The following CSMD1 variants were observed in gnomAD, a reference collection of about 807,000 sequenced individuals.
CSMD1 encodes CUB and Sushi multiple domains 1, also known as CUB and sushi domain-containing protein 1.
In CSMD1, 213 loss-of-function variants were observed where a neutral mutation model predicts 417.5. The ratio of observed to expected loss-of-function variants is 0.51; its 90% CI spans 0.46 to 0.57. CSMD1 has a LOEUF of 0.57. Among genes scored for constraint, CSMD1 ranks in the 20% least tolerant of loss-of-function variants. CSMD1 has a pLI of 0.00. For synonymous variants in CSMD1, 2,862 were observed against 1,736.8 expected (o/e 1.65, Z -16.11); for missense variants, 6,923 against 4,529.7 (o/e 1.53, Z -15.17).
Position 3,173,808 on chromosome 8 carries a change from G to C in CSMD1, c.5725+7302C>G, listed in dbSNP as rs76926353. Among the ~76,000 whole-genome samples, 191 of 152,258 alleles carry C rather than the reference G, an allele frequency of 1.3e-3. 2 individuals are homozygous for C. Among genetic ancestry groups the C allele is most frequent in the African/African-American group, 4.1e-3 (170 of 41,546 alleles). ...AAGAACTCTCCTCAGTAGTGTTAAT[G>C]TAATATTAAAGTGCCATTAAAGCAT... is the stretch of plus-strand genomic sequence containing the variant. On this transcript the variant is annotated intron_variant, in intron 37 of 69. Transcript: ENST00000635120.
intron 11 of CSMD1, among the ~76,000 whole-genome samples, chr8:3,477,586 A>T (rs79750978): frequency 0.018 from 2,738 of 152,290 alleles, 99 homozygotes; most frequent in African/African-American, 0.063. Flanking sequence ...AAATACCAGT[A>T]ATGAGTTTCA....
chr8:4,441,186 A>T (rs183300698), intron 2 of CSMD1, among the ~76,000 whole-genome samples: 30 of 131,470 alleles, frequency 2.3e-4, no homozygotes, highest in Admixed American at 1.9e-4. Context: ...GCAGTCTCAA[A>T]CTCCTGGGAT....
At chr8:4,255,632 C>T (rs954344122) in intron 3 of CSMD1, among the ~76,000 whole-genome samples, 4 of 152,160 alleles carry the variant, frequency 2.6e-5, no homozygotes, top group East Asian at 1.9e-4. Flanking sequence ...GCAACAACCT[C>T]GCACTGCATC....
intron 49 of CSMD1, among the ~76,000 whole-genome samples, chr8:3,083,984 T>A (rs1181510160): frequency 6.6e-6 from 1 of 152,092 alleles, no homozygotes; most frequent in East Asian, 1.9e-4. Flanking sequence ...TTTTCGTTAT[T>A]ACACTGTGAA....
In CSMD1 at chr8:3,343,340, G is replaced by A. The variant is rs991389774; in HGVS notation, c.3585C>T (p.Asn1195=). ...STSNHLWLEF[N]TNGSDTDQGF... is the part of the protein sequence containing the mutation. ...CTTGGTCGGTGTCAGATCCATTGGTGTTGAACTCTAGCCACAGGTGATTGG... is the reference window on the plus strand; with the variant it reads ...CTTGGTCGGTGTCAGATCCATTGGTATTGAACTCTAGCCACAGGTGATTGG... Residue 1195 remains asparagine (N), a synonymous_variant, in exon 23 of 70, where the codon AAC becomes AAT. Transcript: ENST00000635120. 2.4e-5 allele frequency: 38 copies of A among 1,613,660 alleles called. No homozygotes were observed. Among genetic ancestry groups the A allele is most frequent in the Admixed American group, 3.3e-5 (2 of 59,998 alleles).
intron 6 of CSMD1, among the ~76,000 whole-genome samples, chr8:3,749,563 G>T (rs775544958): frequency 6.6e-6 from 1 of 152,080 alleles, no homozygotes; most frequent in Non-Finnish European, 1.5e-5. Flanking sequence ...TATGTTGGTT[G>T]TCATTTATTT....
intron 1 of CSMD1, among the ~76,000 whole-genome samples, chr8:4,697,780 A>G (rs1200573168): frequency 6.6e-6 from 1 of 152,228 alleles, no homozygotes; most frequent in Non-Finnish European, 1.5e-5. Context: ...ACAAACTGTG[A>G]TAAAATACAC....
intron 7 of CSMD1, among the ~76,000 whole-genome samples, chr8:3,684,252 T>C (rs922261974): frequency 7.0e-6 from 1 of 143,488 alleles, no homozygotes; most frequent in African/African-American, 2.5e-5. Context: ...TTATATATTA[T>C]ATAAAATATA....
chr8:3,099,375 T>G (rs1180207327), intron 46 of CSMD1, among the ~76,000 whole-genome samples: 1 of 152,162 alleles, frequency 6.6e-6, no homozygotes, highest in African/African-American at 2.4e-5. Context: ...CCTCATTTTG[T>G]AAGCTCAGGG....
intron 5 of CSMD1, among the ~76,000 whole-genome samples, chr8:3,825,245 A>G (rs1236391496): frequency 3.3e-5 from 5 of 152,116 alleles, no homozygotes; most frequent in African/African-American, 1.2e-4. Flanking sequence ...AGAGCCCTTG[A>G]GAGGCCGGGT....
chr8:4,812,548 A>T (rs1298180928), intron 1 of CSMD1, among the ~76,000 whole-genome samples: 3 of 152,188 alleles, frequency 2.0e-5, no homozygotes, highest in African/African-American at 7.2e-5. Flanking sequence ...AAAATATCAC[A>T]TATACCACAT....
intron 3 of CSMD1, among the ~76,000 whole-genome samples, chr8:4,093,157 G>T (rs1800810248): frequency 6.6e-6 from 1 of 152,070 alleles, no homozygotes; most frequent in African/African-American, 2.4e-5. Context: ...TTGACTGTTT[G>T]CAGGTTTACA....
intron 7 of CSMD1, among the ~76,000 whole-genome samples, chr8:3,635,068 C>G (rs957171100): frequency 6.6e-6 from 1 of 151,998 alleles, no homozygotes; most frequent in Non-Finnish European, 1.5e-5. Context: ...AATGGGATGC[C>G]TATATAAGAT....
intron 2 of CSMD1, among the ~76,000 whole-genome samples, chr8:4,433,814 C>G (rs536187479): frequency 6.6e-6 from 1 of 151,236 alleles, no homozygotes; most frequent in East Asian, 1.9e-4. Flanking sequence ...TTGCAAGATA[C>G]TTTTAATGAA....
chr8:4,727,783 C>T (rs972684474), intron 1 of CSMD1, among the ~76,000 whole-genome samples: 1 of 151,066 alleles, frequency 6.6e-6, no homozygotes, highest in Non-Finnish European at 1.5e-5. Flanking sequence ...CTTCCAGGTG[C>T]TAAATTTGGA....
At chr8:4,151,481 C>G (rs1408998067) in intron 3 of CSMD1, among the ~76,000 whole-genome samples, 1 of 152,108 alleles carries the variant, frequency 6.6e-6, no homozygotes, top group African/African-American at 2.4e-5. Flanking sequence ...GTTTAACAAA[C>G]ACATTATACA....
intron 1 of CSMD1, among the ~76,000 whole-genome samples, chr8:4,951,760 C>T (rs767100116): frequency 1.1e-4 from 16 of 151,772 alleles, no homozygotes; most frequent in East Asian, 1.9e-4. Context: ...TCCACCCACA[C>T]CCCCTACCTT....
At chr8:4,099,262 T>C (rs1801180706) in intron 3 of CSMD1, among the ~76,000 whole-genome samples, 1 of 151,900 alleles carries the variant, frequency 6.6e-6, no homozygotes, top group African/African-American at 2.4e-5. Context: ...TCTTTCTTTG[T>C]TCTGTTACTT....
chr8:4,382,790 C>T (rs530764589), intron 3 of CSMD1, among the ~76,000 whole-genome samples: 2 of 152,044 alleles, frequency 1.3e-5, no homozygotes, highest in African/African-American at 2.4e-5. Flanking sequence ...TAATGATGGC[C>T]CCTCAGTGTC....
Sources: gnomAD v4.1 joint callset for allele counts (sites outside exome capture counted in the v4.1 genomes callset) on GRCh38, gnomAD v4.1.1 for gene constraint, MANE v1.5 for transcripts, NCBI Gene and HGNC (gene_info 2026-07-23, HGNC 2026-07-21) for gene names.